Variants in TEX11 observed in about 807,000 individuals in gnomAD.
TEX11 encodes the protein testis expressed 11, also known as testis-expressed protein 11.
TEX11 carries 7 observed loss-of-function variants against 84.4 expected under a neutral mutation model. The observed-to-expected ratio is 0.08, with a 90% CI of 0.05 to 0.16. The LOEUF is 0.16. Ranked by LOEUF, TEX11 falls within the 10% of genes least tolerant of loss-of-function variation. The pLI is 1.00. For synonymous variants in TEX11, 264 were observed against 222.8 expected (o/e 1.18, Z -1.64); for missense variants, 551 against 660.5 (o/e 0.83, Z 1.82).
intron 2 of TEX11, among the ~76,000 whole-genome samples, chrX:70,891,480 C>A (rs2091737835): frequency 1.8e-5 from 2 of 111,031 alleles, no homozygotes; most frequent in African/African-American, 6.5e-5. Context: ...AGCTAAAAAC[C>A]TTGAAAAAAA....
In TEX11 at chrX:70,657,538, A is replaced by G. The variant is rs188346149; in HGVS notation, c.1381-5986T>C. Among the ~76,000 whole-genome samples, 5 of 110,909 alleles carry G rather than the reference A, an allele frequency of 4.5e-5. No individual in the cohort carries two copies. In the East Asian group the frequency reaches 1.4e-3, roughly 31 times the overall value. ...AAGCATGTCAGAAAAATGTGCTCAAAAAACAGGTCAAAATCATAACCGACT... is the reference window on the plus strand; with the variant it reads ...AAGCATGTCAGAAAAATGTGCTCAAGAAACAGGTCAAAATCATAACCGACT... On this transcript the variant is annotated intron_variant, in intron 16 of 29. Coordinates refer to ENST00000374333, the MANE Select transcript of TEX11 (RefSeq NM_031276.3).
At chrX:70,706,445 T>C (rs2090377129) in intron 13 of TEX11, among the ~76,000 whole-genome samples, 1 of 110,983 alleles carries the variant, frequency 9.0e-6, no homozygotes, top group African/African-American at 3.3e-5. Flanking sequence ...ACCCTAGAAC[T>C]TAAAGTATAT....
Position 70,551,987 on chromosome X carries a change from T to C in TEX11, c.2520+139A>G, listed in dbSNP as rs771015607. ...ATTTCAGAAACCCAGGAAAATTCTG[T>C]AGTGTGTAACTACAAAATTGTAATA... On this transcript the variant is annotated intron_variant, in intron 28 of 29. Coordinates refer to ENST00000374333, the MANE Select transcript of TEX11 (RefSeq NM_031276.3). The C allele has an allele frequency of 7.3e-6, 5 of 683,063 alleles. No homozygotes were observed. The South Asian group carries it at 1.8e-4, about 24-fold the overall frequency. 56.3% of individuals were successfully genotyped at this position (683,063 alleles called of 1,213,427 possible). A position where few individuals can be genotyped will look rare whatever the true frequency, so the allele number is the denominator to read the frequency against.
At chrX:70,879,146 A>G (rs1017859297) in intron 3 of TEX11, among the ~76,000 whole-genome samples, 3 of 110,815 alleles carry the variant, frequency 2.7e-5, no homozygotes, top group African/African-American at 9.8e-5. Flanking sequence ...GAGGAAATGG[A>G]GAGTGTTTGT....
intron 15 of TEX11, among the ~76,000 whole-genome samples, chrX:70,675,502 T>G (rs1243405880): frequency 1.8e-5 from 2 of 111,531 alleles, no homozygotes; most frequent in Non-Finnish European, 3.8e-5. Flanking sequence ...ACTCCACATT[T>G]TCCCCTCCTC....
chrX:70,888,719 T>C (rs1456832491), intron 2 of TEX11, among the ~76,000 whole-genome samples: 1 of 111,236 alleles, frequency 9.0e-6, no homozygotes, highest in Non-Finnish European at 1.9e-5. Context: ...AATATCCAAG[T>C]ACAAAAAGGT....
At chrX:70,563,334 C>G (rs2088402935) in intron 25 of TEX11, among the ~76,000 whole-genome samples, 1 of 111,937 alleles carries the variant, frequency 8.9e-6, no homozygotes, top group Admixed American at 9.5e-5. Context: ...AGAAGAATGG[C>G]TATGACTAGA....
At chrX:70,602,054 C>T (rs1287984057) in intron 24 of TEX11, among the ~76,000 whole-genome samples, 1 of 111,445 alleles carries the variant, frequency 9.0e-6, no homozygotes, top group Non-Finnish European at 1.9e-5. Flanking sequence ...CCGCTGGGCA[C>T]ACCTCCCAGA....
At chrX:70,747,691 G>T (rs1318459554) in intron 9 of TEX11, among the ~76,000 whole-genome samples, 2 of 111,268 alleles carry the variant, frequency 1.8e-5, no homozygotes, top group Non-Finnish European at 3.8e-5. Flanking sequence ...ATTAAAGGAA[G>T]GTCTGATAAC....
At chrX:70,816,030 G>A (rs5936593) in intron 8 of TEX11, among the ~76,000 whole-genome samples, 28,994 of 110,295 alleles carry the variant, frequency 0.26, 3,242 homozygotes, top group East Asian at 0.43. Context: ...CCCATCAACC[G>A]AGTAGTATAA....
intron 16 of TEX11, among the ~76,000 whole-genome samples, chrX:70,660,932 C>T (rs2089918816): frequency 8.9e-6 from 1 of 111,765 alleles, no homozygotes; most frequent in South Asian, 3.8e-4. Flanking sequence ...CTCCAGTCTA[C>T]AGCTCCCAGT....
intron 4 of TEX11, among the ~76,000 whole-genome samples, chrX:70,864,839 C>A (rs1245027631): frequency 9.1e-6 from 1 of 109,746 alleles, no homozygotes; most frequent in Admixed American, 9.8e-5. Flanking sequence ...TCCAAACAAG[C>A]AAATGCTGTT....
intron 17 of TEX11, among the ~76,000 whole-genome samples, chrX:70,646,436 C>CACA (rs1201139873): frequency 1.8e-5 from 2 of 111,793 alleles, no homozygotes; most frequent in Non-Finnish European, 3.8e-5. Context: ...AGAGTGAAGA[C>CACA]ACAATGTATG....
chrX:70,728,377 A>C (rs1297795891), intron 11 of TEX11, among the ~76,000 whole-genome samples: 1 of 113,261 alleles, frequency 8.8e-6, no homozygotes, highest in African/African-American at 3.2e-5. Flanking sequence ...TCGCCTCACC[A>C]GGGAAGCACA....
rs1341574531 is a variant in TEX11 at position 70,817,250 on chromosome X, T to TACACACAC, written c.607-10461_607-10460insGTGTGTGT. Among the ~76,000 whole-genome samples the TACACACAC allele has an allele frequency of 1.6e-3, 148 of 91,405 alleles. No individual in the cohort carries two copies. The East Asian group carries it at 0.018, about 11-fold the overall frequency. The allele number at this position is 91,405 out of a possible 115,157, so 79.4% of individuals were successfully genotyped here. ...ACACATACACACACACACACATATA[T>TACACACAC]ATATACACACACACACACACACACA... On this transcript the variant is annotated intron_variant, in intron 8 of 29. Coordinates refer to ENST00000374333, the MANE Select transcript of TEX11 (RefSeq NM_031276.3).
intron 8 of TEX11, among the ~76,000 whole-genome samples, chrX:70,824,878 T>C (rs777073889): frequency 3.6e-5 from 4 of 111,455 alleles, no homozygotes; most frequent in East Asian, 5.6e-4. Context: ...CACTGCAAAA[T>C]TGAAACAACA....
chrX:70,745,429 T>G lies in TEX11; in HGVS notation c.693-1210A>C, dbSNP rs140844292. ...AACTTGAAGACAATACTTTGAAATA[T>G]TCCTTAAAAAAAAAAAAACTCTAGG... On this transcript the variant is annotated intron_variant, in intron 9 of 29. Coordinates refer to ENST00000374333, the MANE Select transcript of TEX11 (RefSeq NM_031276.3). 3.0e-3 allele frequency among the ~76,000 whole-genome samples: 324 copies of G among 109,792 alleles called. 1 individual carries two copies. Among genetic ancestry groups the G allele is most frequent in the African/African-American group, 9.9e-3 (301 of 30,252 alleles).
chrX:70,566,914 C>T (rs1274117099), intron 25 of TEX11, among the ~76,000 whole-genome samples: 1 of 111,705 alleles, frequency 9.0e-6, no homozygotes, highest in Admixed American at 9.5e-5. Flanking sequence ...TGATGCTGGC[C>T]TCATAAAGTG....
chrX:70,610,964 C>T (rs932511701), intron 20 of TEX11, among the ~76,000 whole-genome samples: 8 of 112,025 alleles, frequency 7.1e-5, no homozygotes, highest in Admixed American at 2.9e-4. Context: ...TGTGGTTGAA[C>T]GAGGAGTGGG....
Sources: gnomAD v4.1 joint callset for allele counts (sites outside exome capture counted in the v4.1 genomes callset) on GRCh38, gnomAD v4.1.1 for gene constraint, MANE v1.5 for transcripts, NCBI Gene and HGNC (gene_info 2026-07-23, HGNC 2026-07-21) for gene names.